Variants in HSD17B8 observed in about 807,000 individuals in gnomAD.
HSD17B8 encodes (3R)-3-hydroxyacyl-CoA dehydrogenase.
Under a neutral mutation model 33.2 loss-of-function variants are expected in HSD17B8, and 23 were observed. That is an observed-to-expected ratio of 0.69 (90% confidence interval 0.50 to 0.98). The LOEUF is 0.98. Among genes scored for constraint, HSD17B8 ranks in the 50% least tolerant of loss-of-function variants. The probability of loss-of-function intolerance (pLI) is 0.00; values close to 1 mark genes in which losing one functional copy is unlikely to be tolerated. For synonymous variants in HSD17B8, 137 were observed against 138.6 expected (o/e 0.99, Z 0.08); for missense variants, 345 against 347.5 (o/e 0.99, Z 0.06).
chr6:33,206,563 G>A lies in HSD17B8; in HGVS notation c.770-75G>A. ...GAAGGGCAGAGGTTCCCAAGGCCAG[G>A]GACAGAAGTGGGTACCCCCTAGCCC... On this transcript the variant is annotated intron_variant, in intron 8 of 8. Coordinates refer to ENST00000374662, the MANE Select transcript of HSD17B8 (RefSeq NM_014234.5). The surrounding 1 kb of genome is among the most constrained non-coding windows in gnomAD (Gnocchi z 6.2). 6.3e-7 allele frequency: 1 copy of A among 1,577,830 alleles called. No individual in the cohort carries two copies. The highest frequency in any genetic ancestry group is 8.7e-7 in the Non-Finnish European group (1 of 1,147,236).
In HSD17B8 at chr6:33,205,666, T is replaced by G. The variant is rs1212020581; in HGVS notation, c.507T>G (p.Tyr169Ter). 1 of 1,612,600 alleles carries G rather than the reference T, an allele frequency of 6.2e-7. No homozygotes were observed. Among genetic ancestry groups the G allele is most frequent in the Non-Finnish European group, 8.5e-7 (1 of 1,179,764 alleles). ...TGGGGAACGTGGGGCAGACAAACTA[T>G]GCAGCATCCAAGGCTGGAGTGATTG... is the stretch of plus-strand genomic sequence containing the variant. Reference protein sequence around the residue: ...GKVGNVGQTNYAASKAGVIGL... With the variant: ...GKVGNVGQTN Residue 169 changes from tyrosine (Y) to a stop codon, truncating the protein, a stop_gained, in exon 5 of 9, where the codon TAT becomes TAG. Coordinates refer to ENST00000374662, the MANE Select transcript of HSD17B8 (RefSeq NM_014234.5). LOFTEE classifies it high-confidence loss of function. This position sits in a 1 kb window ranked among gnomAD's most constrained non-coding sequence, Gnocchi z 5.0.
chr6:33,204,992 C>G lies in HSD17B8; in HGVS notation c.143C>G (p.Ala48Gly). Residue 48 changes from alanine to glycine, a missense_variant, in exon 2 of 9, where the codon GCA (alanine) becomes GGA (glycine). Transcript: ENST00000374662. ...GCCTGCGACCTGGACCGGGCAGCGGCACAGGAGACGGTGCGGCTGCTGGGC... is the reference window on the plus strand; with the variant it reads ...GCCTGCGACCTGGACCGGGCAGCGGGACAGGAGACGGTGCGGCTGCTGGGC... ...VAACDLDRAAAQETVRLLGGP... is the reference protein window; with the variant it reads ...VAACDLDRAAGQETVRLLGGP... 1 of 1,494,344 alleles carries G rather than the reference C, an allele frequency of 6.7e-7. No homozygotes were observed. Among genetic ancestry groups the G allele is most frequent in the South Asian group, 1.4e-5 (1 of 72,742 alleles). The allele number at this position is 1,494,344 out of a possible 1,614,324, so 92.6% of individuals were successfully genotyped here.
Position 33,205,401 on chromosome 6 carries a change from T to C in HSD17B8, c.388-46T>C. 1 of 1,607,114 alleles carries C rather than the reference T, an allele frequency of 6.2e-7. No homozygotes were observed. The highest frequency in any genetic ancestry group is 1.3e-5 in the African/African-American group (1 of 74,908). ...CCTGGGGAGGGAGTTGGAGGAGGGC[T>C]GTCACCCCAGCTGATCTTTTCTCCC... On this transcript the variant is annotated intron_variant, in intron 3 of 8. Transcript: ENST00000374662. This position sits in a 1 kb window ranked among gnomAD's most constrained non-coding sequence, Gnocchi z 5.0.
Position 33,204,688 on chromosome 6 carries a change from ACCGACT to A in HSD17B8, c.24_29del (p.Leu9_Arg10del), listed in dbSNP as rs759026575. 25 of 1,612,882 alleles carry A rather than the reference ACCGACT, an allele frequency of 1.6e-5. No individual in the cohort carries two copies. In the African/African-American group the frequency reaches 3.2e-4, roughly 21 times the overall value. Reference sequence around the variant, plus strand: ...CCCGCCATGGCGTCTCAGCTCCAGAACCGACTCCGCTCCGCACTGGCCTTGGTCACA... The same window carrying A: ...CCCGCCATGGCGTCTCAGCTCCAGAACCGCTCCGCACTGGCCTTGGTCACA... On this transcript the variant is annotated inframe_deletion, in exon 1 of 9. Coordinates refer to ENST00000374662, the MANE Select transcript of HSD17B8 (RefSeq NM_014234.5).
In HSD17B8 at chr6:33,206,263, G is replaced by T. The variant is rs1322839837; in HGVS notation, c.694+87G>T. The T allele has an allele frequency of 2.4e-5, 37 of 1,557,390 alleles. No homozygotes were observed. Among genetic ancestry groups the T allele is most frequent in the Non-Finnish European group, 3.3e-5 (37 of 1,130,644 alleles). On this transcript the variant is annotated intron_variant, in intron 7 of 8. Coordinates refer to ENST00000374662, the MANE Select transcript of HSD17B8 (RefSeq NM_014234.5). This position sits in a 1 kb window ranked among gnomAD's most constrained non-coding sequence, Gnocchi z 6.2. ...TTGGGGATTTTCTAGGGGACTGGTGGTTGGTGTCTGTGGAGAGGTTTGTGG... is the reference window on the plus strand; with the variant it reads ...TTGGGGATTTTCTAGGGGACTGGTGTTTGGTGTCTGTGGAGAGGTTTGTGG...
chr6:33,205,907 G>A lies in HSD17B8; in HGVS notation c.646G>A (p.Asp216Asn). Residue 216 changes from aspartate (D) to asparagine (N), a missense_variant, in exon 6 of 9, where the codon GAC becomes AAC. By Grantham distance (23) the Asp-to-Asn change is conservative (BLOSUM62 1). Coordinates refer to ENST00000374662, the MANE Select transcript of HSD17B8 (RefSeq NM_014234.5). This position sits in a 1 kb window ranked among gnomAD's most constrained non-coding sequence, Gnocchi z 5.0. ...MTQKVPQKVVDKITEMIPMGH... is the reference protein window; with the variant it reads ...MTQKVPQKVVNKITEMIPMGH... Reference sequence around the variant, plus strand: ...ACAGAAAGTGCCACAGAAAGTGGTGGACAAGGTAGGAGGCTGTGGGTGGAG... The same window carrying A: ...ACAGAAAGTGCCACAGAAAGTGGTGAACAAGGTAGGAGGCTGTGGGTGGAG... 2.5e-6 allele frequency: 4 copies of A among 1,612,034 alleles called. No individual in the cohort carries two copies. The highest frequency in any genetic ancestry group is 1.1e-5 in the South Asian group (1 of 91,042).
In HSD17B8 at chr6:33,206,457, G is replaced by GC; in HGVS notation, c.769+10dup. 1 of 1,611,754 alleles carries GC rather than the reference G, an allele frequency of 6.2e-7. No homozygotes were observed. The highest frequency in any genetic ancestry group is 2.2e-5 in the East Asian group (1 of 44,870). On this transcript the variant is annotated intron_variant, in intron 8 of 8. Coordinates refer to ENST00000374662, the MANE Select transcript of HSD17B8 (RefSeq NM_014234.5). The surrounding 1 kb of genome is among the most constrained non-coding windows in gnomAD (Gnocchi z 6.2). ...CCTCAGTGGAAGTCACTGGTATGAG[G>GC]CCAGCATGGGGAGGGAGAGGGCAGA...
intron 1 of HSD17B8, 53 bp from the exon 2 acceptor site, chr6:33,204,849 A>ATCCCTGCCCTCTCC: frequency 6.6e-7 from 1 of 1,507,348 alleles, no homozygotes; most frequent in East Asian, 2.5e-5. Flanking sequence ...GTGACCTCTG[A>ATCCCTGCCCTCTCC]TCCCTGCCCT....
In HSD17B8 at chr6:33,206,150, C is replaced by A; in HGVS notation, c.668C>A (p.Pro223Gln). The A allele has an allele frequency of 6.2e-7, 1 of 1,612,850 alleles. No homozygotes were observed. The part of the protein sequence containing the change: ...KVVDKITEMI[P>Q]MGHLGDPEDV... ...TCCTTACAGATTACTGAAATGATCC[C>A]GATGGGACACTTGGGGGACCCTGAG... The change falls in exon 7 of 9, where the codon CCG becomes CAG. Residue 223 changes from proline (P) to glutamine (Q), a missense_variant. By Grantham distance (76) the Pro-to-Gln change is moderately conservative. Transcript: ENST00000374662. The surrounding 1 kb of genome is among the most constrained non-coding windows in gnomAD (Gnocchi z 6.2).
chr6:33,206,520 G>A lies in HSD17B8; in HGVS notation c.769+71G>A. 1.3e-6 allele frequency: 2 copies of A among 1,561,938 alleles called. No individual in the cohort carries two copies. The highest frequency in any genetic ancestry group is 1.8e-6 in the Non-Finnish European group (2 of 1,132,844). ...AGACTATATGAGAAAGCAAGTAAGGGGAGTCTGGAGCCACTGGGAAGGGCA... is the reference window on the plus strand; with the variant it reads ...AGACTATATGAGAAAGCAAGTAAGGAGAGTCTGGAGCCACTGGGAAGGGCA... On this transcript the variant is annotated intron_variant, in intron 8 of 8. Transcript: ENST00000374662. This position sits in a 1 kb window ranked among gnomAD's most constrained non-coding sequence, Gnocchi z 6.2.
At position 33,205,825 on chromosome 6, in the gene HSD17B8, C is replaced by T; in HGVS notation, c.567-3C>T. 6.2e-7 allele frequency: 1 copy of T among 1,612,512 alleles called. No homozygotes were observed. The highest frequency in any genetic ancestry group is 1.1e-5 in the South Asian group (1 of 91,076). On this transcript the variant is annotated splice_polypyrimidine_tract_variant and splice_region_variant and intron_variant, in intron 5 of 8. Coordinates refer to ENST00000374662, the MANE Select transcript of HSD17B8 (RefSeq NM_014234.5). This position sits in a 1 kb window ranked among gnomAD's most constrained non-coding sequence, Gnocchi z 5.0. ...GAATCGGCAGCCACTCTCCTTCCCA[C>T]AGACATGGGATCCGCTGTAACTCTG...
chr6:33,205,419 T>A lies in HSD17B8; in HGVS notation c.388-28T>A. On this transcript the variant is annotated intron_variant, in intron 3 of 8. Coordinates refer to ENST00000374662, the MANE Select transcript of HSD17B8 (RefSeq NM_014234.5). The surrounding 1 kb of genome is among the most constrained non-coding windows in gnomAD (Gnocchi z 5.0). ...GGAGGGCTGTCACCCCAGCTGATCT[T>A]TTCTCCCTTGTTACCCTTTCCCGCC... 1 of 1,611,390 alleles carries A rather than the reference T, an allele frequency of 6.2e-7. No homozygotes were observed. Among genetic ancestry groups the A allele is most frequent in the Non-Finnish European group, 8.5e-7 (1 of 1,178,464 alleles).
Position 33,205,971 on chromosome 6 carries a change from CAG to C in HSD17B8, c.651+85_651+86del, listed in dbSNP as rs3066410. ...AGAGACTCAATCTCTCTGGGCTTCACAGAGAGAGAGAGAGAGAGAGAGAGAGA... is the reference window on the plus strand; with the variant it reads ...AGAGACTCAATCTCTCTGGGCTTCACAGAGAGAGAGAGAGAGAGAGAGAGA... On this transcript the variant is annotated intron_variant, in intron 6 of 8. Transcript: ENST00000374662. This position sits in a 1 kb window ranked among gnomAD's most constrained non-coding sequence, Gnocchi z 5.0. 0.18 allele frequency: 189,655 copies of C among 1,076,934 alleles called. 5,578 individuals carry two copies. Among genetic ancestry groups the C allele is most frequent in the East Asian group, 0.41 (17,182 of 41,512 alleles). The allele number at this position is 1,076,934 out of a possible 1,614,324, so 66.7% of individuals were successfully genotyped here.
Position 33,204,897 on chromosome 6 carries a change from C to A in HSD17B8, c.53-5C>A. 6.8e-7 allele frequency: 1 copy of A among 1,472,418 alleles called. No individual in the cohort carries two copies. 91.2% of individuals were successfully genotyped at this position (1,472,418 alleles called of 1,614,324 possible). ...CCCGGTCCGGCGTGTTCTGTCCTAC[C>A]TCAGGTGCGGGGAGCGGCATCGGCC... On this transcript the variant is annotated splice_polypyrimidine_tract_variant and splice_region_variant and intron_variant, in intron 1 of 8. Transcript: ENST00000374662.
chr6:33,204,960 C>A lies in HSD17B8; in HGVS notation c.111C>A (p.Thr37=). 1 of 1,467,098 alleles carries A rather than the reference C, an allele frequency of 6.8e-7. No individual in the cohort carries two copies. Among genetic ancestry groups the A allele is most frequent in the Non-Finnish European group, 9.0e-7 (1 of 1,113,672 alleles). The allele number at this position is 1,467,098 out of a possible 1,614,324, so 90.9% of individuals were successfully genotyped here. Residue 37 remains threonine, a synonymous_variant, in exon 2 of 9, where the codon ACC becomes ACA. Transcript: ENST00000374662. ...VSVRLAGEGA[T]VAACDLDRAA... is the part of the protein sequence containing the mutation. ...TACGCCTGGCCGGAGAGGGGGCCAC[C>A]GTAGCTGCCTGCGACCTGGACCGGG...
At position 33,205,135 on chromosome 6, in the gene HSD17B8, C is replaced by A. The variant is rs774735143; in HGVS notation, c.270+16C>A. 32 of 1,580,734 alleles carry A rather than the reference C, an allele frequency of 2.0e-5. No homozygotes were observed. Among genetic ancestry groups the A allele is most frequent in the Admixed American group, 7.0e-5 (4 of 57,408 alleles). ...ACAAGTGCAGGTGAACGCTAGGCCA[C>A]TTTCCCCCTCTAAAGCTCTGATATT... On this transcript the variant is annotated intron_variant, in intron 2 of 8. Transcript: ENST00000374662. The surrounding 1 kb of genome is among the most constrained non-coding windows in gnomAD (Gnocchi z 5.0).
chr6:33,205,971 C>CAGAGAG lies in HSD17B8; in HGVS notation c.651+81_651+86dup, dbSNP rs3066410. 0.025 allele frequency: 27,048 copies of CAGAGAG among 1,100,920 alleles called. 93 individuals are homozygous for CAGAGAG. Among genetic ancestry groups the CAGAGAG allele is most frequent in the South Asian group, 0.042 (3,188 of 75,488 alleles). 68.2% of individuals were successfully genotyped at this position (1,100,920 alleles called of 1,614,324 possible). A position where few individuals can be genotyped will look rare whatever the true frequency, so the allele number is the denominator to read the frequency against. On this transcript the variant is annotated intron_variant, in intron 6 of 8. Coordinates refer to ENST00000374662, the MANE Select transcript of HSD17B8 (RefSeq NM_014234.5). This position sits in a 1 kb window ranked among gnomAD's most constrained non-coding sequence, Gnocchi z 5.0. The stretch of plus-strand genomic sequence containing the variant: ...AGAGACTCAATCTCTCTGGGCTTCA[C>CAGAGAG]AGAGAGAGAGAGAGAGAGAGAGAGA...
At position 33,205,680 on chromosome 6, in the gene HSD17B8, C is replaced by T. The variant is rs116381506; in HGVS notation, c.521C>T (p.Ala174Val). The change falls in exon 5 of 9, where the codon GCT becomes GTT. Residue 174 changes from alanine (A) to valine (V), a missense_variant. Coordinates refer to ENST00000374662, the MANE Select transcript of HSD17B8 (RefSeq NM_014234.5). This position sits in a 1 kb window ranked among gnomAD's most constrained non-coding sequence, Gnocchi z 5.0. ...VGQTNYAASK[A>V]GVIGLTQTAA... is the part of the protein sequence containing the mutation. ...CAGACAAACTATGCAGCATCCAAGGCTGGAGTGATTGGGCTGACCCAGACC... is the reference window on the plus strand; with the variant it reads ...CAGACAAACTATGCAGCATCCAAGGTTGGAGTGATTGGGCTGACCCAGACC... The T allele has an allele frequency of 7.0e-4, 1,129 of 1,613,076 alleles. 12 individuals carry two copies. In the African/African-American group the frequency reaches 0.012, roughly 17 times the overall value.
chr6:33,205,065 C>G lies in HSD17B8; in HGVS notation c.216C>G (p.Phe72Leu). ...CGCCCCGAGGGAACCATGCTGCCTT[C>G]CAGGCTGACGTGTCTGAGGCCAGGG... ...EGPPRGNHAAFQADVSEARAA... is the reference protein window; with the variant it reads ...EGPPRGNHAALQADVSEARAA... Residue 72 changes from phenylalanine to leucine, a missense_variant, in exon 2 of 9, where the codon TTC (phenylalanine) becomes TTG (leucine). Transcript: ENST00000374662. The surrounding 1 kb of genome is among the most constrained non-coding windows in gnomAD (Gnocchi z 5.0). 1 of 1,562,890 alleles carries G rather than the reference C, an allele frequency of 6.4e-7. No individual in the cohort carries two copies. The highest frequency in any genetic ancestry group is 8.7e-7 in the Non-Finnish European group (1 of 1,155,902).
Sources: gnomAD v4.1 joint callset for allele counts on GRCh38, gnomAD v4.1.1 for gene constraint, Gnocchi (gnomAD v3.1) non-coding constraint, MANE v1.5 for transcripts, NCBI Gene and HGNC (gene_info 2026-07-23, HGNC 2026-07-21) for gene names.